Variants in TSHZ3 observed in about 807,000 individuals in gnomAD.
TSHZ3 encodes teashirt zinc finger homeobox 3.
TSHZ3 carries 10 observed loss-of-function variants against 64.5 expected under a neutral mutation model. The observed-to-expected ratio is 0.16, with a 90% CI of 0.10 to 0.26. TSHZ3 has a LOEUF of 0.26. Among genes scored for constraint, TSHZ3 ranks in the 10% least tolerant of loss-of-function variants. The pLI, the probability that TSHZ3 is intolerant of heterozygous loss-of-function variation, is 1.00. For missense variants in TSHZ3, 1,242 were observed against 1,421.7 expected, an observed-to-expected ratio of 0.87 and a Z score of 2.03; for synonymous variants, 608 against 593.1, an observed-to-expected ratio of 1.03 and a Z score of -0.36.
At chr19:31,216,757 C>T (rs1164152685) in intron 4 of TSHZ3, among the ~76,000 whole-genome samples, 2 of 152,194 alleles carry the variant, frequency 1.3e-5, no homozygotes, top group Non-Finnish European at 2.9e-5. Flanking sequence ...CTGCCTCTCT[C>T]CCGAGTAGCT....
At chr19:31,319,488 G>A (rs1218715008) in intron 1 of TSHZ3, among the ~76,000 whole-genome samples, 14 of 152,124 alleles carry the variant, frequency 9.2e-5, no homozygotes, top group Admixed American at 9.2e-4. Flanking sequence ...ACCCTAAGGT[G>A]AGCATATCCA....
chr19:31,350,468 C>T (rs2021686363), upstream of TSHZ3, among the ~76,000 whole-genome samples: 1 of 151,544 alleles, frequency 6.6e-6, no homozygotes, highest in African/African-American at 2.4e-5. Context: ...CGGGCCGATC[C>T]TAGGGCGGGA....
At chr19:31,251,716 G>T (rs1373845827) in intron 1 of TSHZ3, among the ~76,000 whole-genome samples, 1 of 152,142 alleles carries the variant, frequency 6.6e-6, no homozygotes, top group Non-Finnish European at 1.5e-5. Context: ...TCAAGCCAAG[G>T]CCCCCGGAAG....
At chr19:31,157,678 G>T (rs552819713) in intron 5 of TSHZ3, among the ~76,000 whole-genome samples, 83 of 152,338 alleles carry the variant, frequency 5.4e-4, no homozygotes, top group African/African-American at 1.8e-3. Context: ...CAGGAAAGTG[G>T]CACAGATGGG....
intron 1 of TSHZ3, among the ~76,000 whole-genome samples, chr19:31,306,344 T>C (rs1169693556): frequency 1.3e-5 from 2 of 152,346 alleles, no homozygotes; most frequent in East Asian, 3.9e-4. Flanking sequence ...AACAGTCAAA[T>C]GTCTATCTTC....
At chr19:31,273,361 C>T (rs1027500427), downstream of TSHZ3, among the ~76,000 whole-genome samples, 32 of 152,156 alleles carry the variant, frequency 2.1e-4, no homozygotes, top group African/African-American at 7.0e-4. Context: ...AGAGAACCTG[C>T]GGCCTACCTT....
chr19:31,184,619 T>C (rs1193596788), intron 5 of TSHZ3, among the ~76,000 whole-genome samples: 1 of 152,246 alleles, frequency 6.6e-6, no homozygotes, highest in Non-Finnish European at 1.5e-5. Flanking sequence ...AGTTCTTTTA[T>C]TTTGCTAATT....
intron 5 of TSHZ3, among the ~76,000 whole-genome samples, chr19:31,183,137 A>T (rs1599566463): frequency 6.6e-6 from 1 of 150,634 alleles, no homozygotes; most frequent in Non-Finnish European, 1.5e-5. Flanking sequence ...CAGATTTAGG[A>T]CCTGACAGCC....
At chr19:31,248,370 C>T (rs932979838) in intron 1 of TSHZ3, among the ~76,000 whole-genome samples, 1 of 152,106 alleles carries the variant, frequency 6.6e-6, no homozygotes, top group Non-Finnish European at 1.5e-5. Context: ...AAATTACAAA[C>T]TTAAAAAGAA....
At chr19:31,317,513 C>T (rs1410191338) in intron 1 of TSHZ3, among the ~76,000 whole-genome samples, 1 of 152,198 alleles carries the variant, frequency 6.6e-6, no homozygotes, top group African/African-American at 2.4e-5. Context: ...TACTGCCACA[C>T]TGACCCTACT....
At chr19:31,259,661 A>G (rs373248604) in intron 1 of TSHZ3, among the ~76,000 whole-genome samples, 20 of 152,074 alleles carry the variant, frequency 1.3e-4, no homozygotes, top group East Asian at 5.8e-4. Context: ...TAAAAAAAAA[A>G]AGAGAAATAG....
intron 5 of TSHZ3, chr19:31,195,743 T>C (rs1297205793): frequency 1.3e-5 from 2 of 152,078 alleles, no homozygotes; most frequent in Non-Finnish European, 2.9e-5. Flanking sequence ...CAAATACATT[T>C]ATTCAAAATA....
At chr19:31,340,067 A>T (rs981933657) in intron 1 of TSHZ3, among the ~76,000 whole-genome samples, 1 of 152,040 alleles carries the variant, frequency 6.6e-6, no homozygotes, top group African/African-American at 2.4e-5. Context: ...TTTAAAGGAA[A>T]AAAATGTGTC....
At chr19:31,231,419 A>T (rs1376243528) in intron 3 of TSHZ3, among the ~76,000 whole-genome samples, 1 of 152,124 alleles carries the variant, frequency 6.6e-6, no homozygotes, top group Non-Finnish European at 1.5e-5. Context: ...CGACTTCACC[A>T]CCCAGGCCTC....
At chr19:31,244,663 A>T (rs563495654) in intron 1 of TSHZ3, among the ~76,000 whole-genome samples, 5 of 152,086 alleles carry the variant, frequency 3.3e-5, no homozygotes, top group African/African-American at 1.2e-4. Flanking sequence ...TTTTTAATTG[A>T]GATATGGCCT....
intron 3 of TSHZ3, among the ~76,000 whole-genome samples, chr19:31,238,495 A>C (rs1741067694): frequency 6.6e-6 from 1 of 152,136 alleles, no homozygotes; most frequent in South Asian, 2.1e-4. Flanking sequence ...ACCTCGAGTG[A>C]TCTGCCTACC....
intron 1 of TSHZ3, 92 bp downstream of exon 1, chr19:31,349,088 C>T: frequency 6.8e-7 from 1 of 1,465,638 alleles, no homozygotes; most frequent in Non-Finnish European, 9.1e-7. Flanking sequence ...GGCAGAAGAG[C>T]GGGGCGAGGA....
At chr19:31,331,143 AC>A (rs1320108059) in intron 1 of TSHZ3, among the ~76,000 whole-genome samples, 1 of 151,812 alleles carries the variant, frequency 6.6e-6, no homozygotes, top group Non-Finnish European at 1.5e-5. Flanking sequence ...CCTAAGAGAG[AC>A]CCCCGGGCTG....
At chr19:31,167,229 A>G (rs1016549652) in intron 5 of TSHZ3, among the ~76,000 whole-genome samples, 1 of 152,224 alleles carries the variant, frequency 6.6e-6, no homozygotes, top group Non-Finnish European at 1.5e-5. Context: ...TGCCACCTGA[A>G]TGTAATTGAA....
Sources: allele counts gnomAD v4.1 joint callset (sites outside exome capture counted in the v4.1 genomes callset), GRCh38; gene constraint gnomAD v4.1.1; transcripts MANE v1.5; gene names NCBI Gene and HGNC (gene_info 2026-07-23, HGNC 2026-07-21).